Variants in ZC3H4 observed in about 807,000 individuals in gnomAD.
The protein encoded by ZC3H4 is zinc finger CCCH domain-containing protein 4.
In ZC3H4, 13 loss-of-function variants were observed where a neutral mutation model predicts 108.3. The ratio of observed to expected loss-of-function variants is 0.12; its 90% confidence interval spans 0.08 to 0.19. ZC3H4 has a LOEUF of 0.19. ZC3H4 is among the 10% of genes least tolerant of loss of function. The pLI, the probability that ZC3H4 is intolerant of heterozygous loss-of-function variation, is 1.00. For missense variants in ZC3H4, 1,734 were observed against 1,838.8 expected, an observed-to-expected ratio of 0.94 and a Z score of 1.04; for synonymous variants, 917 against 749.6, an observed-to-expected ratio of 1.22 and a Z score of -3.65.
At chr19:47,071,321 T>C (rs1337788427) in intron 13 of ZC3H4, among the ~76,000 whole-genome samples, 2 of 152,142 alleles carry the variant, frequency 1.3e-5, no homozygotes, top group African/African-American at 4.8e-5. Flanking sequence ...TCACTGGACA[T>C]TTGTTACCAA....
chr19:47,068,224 C>T (rs1166787824), intron 14 of ZC3H4, among the ~76,000 whole-genome samples: 1 of 152,220 alleles, frequency 6.6e-6, no homozygotes, highest in Non-Finnish European at 1.5e-5. Context: ...CAGGATCGGG[C>T]TAGGACTCCT....
At chr19:47,112,296 C>A in intron 2 of ZC3H4, 128 bp downstream of exon 2, 1 of 1,128,540 alleles carries the variant, frequency 8.9e-7, no homozygotes, top group Non-Finnish European at 1.1e-6. Flanking sequence ...CCCACCGACC[C>A]CGCCCTTCCT....
At chr19:47,109,860 C>T (rs1389822061) in intron 2 of ZC3H4, among the ~76,000 whole-genome samples, 1 of 152,118 alleles carries the variant, frequency 6.6e-6, no homozygotes, top group Non-Finnish European at 1.5e-5. Context: ...TGTCTTTTAA[C>T]GGAACTTATG....
intron 2 of ZC3H4, among the ~76,000 whole-genome samples, chr19:47,099,335 T>C (rs1389446215): frequency 6.6e-6 from 1 of 151,822 alleles, no homozygotes; most frequent in African/African-American, 2.4e-5. Flanking sequence ...AGAACACGCC[T>C]GTAAACCCAG....
chr19:47,085,284 C>A, intron 7 of ZC3H4, 34 bp downstream of exon 7: 1 of 1,572,632 alleles, frequency 6.4e-7, no homozygotes, highest in African/African-American at 1.4e-5. Flanking sequence ...AATCCCTGCC[C>A]CACCCAGCGT....
chr19:47,076,608 C>A (rs375534275), intron 11 of ZC3H4, among the ~76,000 whole-genome samples: 1 of 152,184 alleles, frequency 6.6e-6, no homozygotes, highest in Non-Finnish European at 1.5e-5. Flanking sequence ...GTAATCCCAG[C>A]ACTTTGGGAG....
rs1205584935 is a variant in ZC3H4, at chr19:47,067,123, T to C, written c.3145A>G (p.Ile1049Val). Residue 1049 changes from isoleucine to valine, a missense_variant, in exon 15 of 15, where the codon ATC becomes GTC. This residue lies in a region of ZC3H4 where 518 missense variants were observed against 499.6 expected (regional missense o/e 1.04). Coordinates refer to ENST00000253048, the MANE Select transcript of ZC3H4 (RefSeq NM_015168.2). The surrounding 1 kb of genome is among the most constrained non-coding windows in gnomAD (Gnocchi z 6.4). ...NLPDFELLSR[I>V]LKTVNATGSS... ...CCGGTGGCATTGACTGTCTTGAGGA[T>C]GCGAGACAGAAGTTCAAAGTCGGGG... 6.2e-7 allele frequency: 1 copy of C among 1,611,880 alleles called. No individual in the cohort carries two copies. Among genetic ancestry groups the C allele is most frequent in the South Asian group, 1.1e-5 (1 of 90,854 alleles).
chr19:47,081,226 A>G (rs1041496244), intron 11 of ZC3H4, among the ~76,000 whole-genome samples: 10 of 152,228 alleles, frequency 6.6e-5, no homozygotes, highest in African/African-American at 2.4e-4. Context: ...AATGACACCT[A>G]AGAGATCACG....
Position 47,085,062 on chromosome 19 carries a change from G to C in ZC3H4, c.1101C>G (p.Asp367Glu), listed in dbSNP as rs2057592250. 1.2e-6 allele frequency: 2 copies of C among 1,614,090 alleles called. No homozygotes were observed. Among genetic ancestry groups the C allele is most frequent in the South Asian group, 2.2e-5 (2 of 91,088 alleles). Residue 367 changes from aspartate to glutamate, a missense_variant, in exon 8 of 15, where the codon GAC (aspartate) becomes GAG (glutamate). Physicochemically the swap from Asp to Glu is conservative, Grantham distance 45. Transcript: ENST00000253048. ...CAGAGTGGAGTCAACTCACGCCCAT[G>C]TCCTCGTCATAGAAGTCTTCGTCAT... The part of the protein sequence containing the change: ...MNDDEDFYDE[D>E]MGDGGGGSYR...
At chr19:47,081,645 T>A in intron 10 of ZC3H4, 23 bp from the exon 11 acceptor site, 1 of 1,601,468 alleles carries the variant, frequency 6.2e-7, no homozygotes, top group African/African-American at 1.3e-5. Context: ...TTAAGGTAAA[T>A]GCTTCATCTC....
At chr19:47,104,661 G>T (rs985485300) in intron 2 of ZC3H4, among the ~76,000 whole-genome samples, 6 of 152,248 alleles carry the variant, frequency 3.9e-5, no homozygotes, top group Non-Finnish European at 8.8e-5. Flanking sequence ...AGTGATGGAT[G>T]CACAGACTGA....
Position 47,069,205 on chromosome 19 carries a change from A to G in ZC3H4, c.2285T>C (p.Leu762Pro). 6.2e-7 allele frequency: 1 copy of G among 1,612,356 alleles called. No individual in the cohort carries two copies. The highest frequency in any genetic ancestry group is 8.5e-7 in the Non-Finnish European group (1 of 1,179,962). ...PKPGAGVPDFLPSAQRALYLR... is the reference protein window; with the variant it reads ...PKPGAGVPDFPPSAQRALYLR... ...GTACAGGGCCCTCTGGGCTGAGGGC[A>G]GGAAGTCAGGGACACCGGCGCCTGG... The change falls in exon 14 of 15, where the codon CTG (leucine) becomes CCG (proline). Residue 762 changes from leucine (L) to proline (P), a missense_variant. Coordinates refer to ENST00000253048, the MANE Select transcript of ZC3H4 (RefSeq NM_015168.2).
rs748588170 is a variant in ZC3H4, at chr19:47,081,550, T to C, written c.1403A>G (p.Asp468Gly). The C allele has an allele frequency of 5.6e-6, 9 of 1,614,190 alleles. No homozygotes were observed. Among genetic ancestry groups the C allele is most frequent in the Non-Finnish European group, 7.6e-6 (9 of 1,180,032 alleles). ...INGDDCMFSHDPLTEETRELL... is the reference protein window; with the variant it reads ...INGDDCMFSHGPLTEETRELL... The stretch of plus-strand genomic sequence containing the variant: ...CTCCCTCGTCTCTTCGGTCAGAGGG[T>C]CGTGGGAAAACATGCAGTCGTCACC... Residue 468 changes from aspartate to glycine, a missense_variant, in exon 11 of 15, where the codon GAC (aspartate) becomes GGC (glycine). Transcript: ENST00000253048.
intron 11 of ZC3H4, among the ~76,000 whole-genome samples, chr19:47,074,753 C>T (rs1425228248): frequency 6.6e-6 from 1 of 152,204 alleles, no homozygotes; most frequent in Non-Finnish European, 1.5e-5. Context: ...AGCAAGTCTC[C>T]TCGCAGACAG....
Position 47,083,089 on chromosome 19 carries a change from G to A in ZC3H4, c.1219-794C>T, listed in dbSNP as rs2057552647. 2.6e-5 allele frequency among the ~76,000 whole-genome samples: 4 copies of A among 151,522 alleles called. No homozygotes were observed. In the South Asian group the frequency reaches 8.4e-4, roughly 32 times the overall value. On this transcript the variant is annotated intron_variant, in intron 9 of 14. Transcript: ENST00000253048. ...AGACAGAGTCTGGCTCTGTCGCCCA[G>A]GCTGGAGTGCAATGGCACGATCTTG...
At chr19:47,070,307 C>T (rs1036762040) in intron 13 of ZC3H4, among the ~76,000 whole-genome samples, 2 of 152,282 alleles carry the variant, frequency 1.3e-5, no homozygotes, top group Non-Finnish European at 2.9e-5. Flanking sequence ...ATTTCAACTT[C>T]GTCAAGTGAA....
In ZC3H4 at chr19:47,081,069, T is replaced by A. The variant is rs150326448; in HGVS notation, c.1440+444A>T. Among the ~76,000 whole-genome samples the A allele has an allele frequency of 6.1e-3, 934 of 152,200 alleles. 7 individuals are homozygous for A. The highest frequency in any genetic ancestry group is 0.038 in the East Asian group (199 of 5,178). ...TGCACCCAGCCCAGCCAATTTTTTT[T>A]AATTTATTTTTAGTAGAAACAACGT... On this transcript the variant is annotated intron_variant, in intron 11 of 14. Transcript: ENST00000253048.
chr19:47,072,013 GTGCATGTCGGGGTGCATGTCAGGA>G lies in ZC3H4; in HGVS notation c.1887_1910del (p.Pro638_His645del), dbSNP rs1275043474. ...CGTGCATGTCAGGGTGCATGTCCGG[GTGCATGTCGGGGTGCATGTCAGGA>G]TGCATTGGACCGCCCATTGGCCCTG... On this transcript the variant is annotated inframe_deletion, in exon 13 of 15. Coordinates refer to ENST00000253048, the MANE Select transcript of ZC3H4 (RefSeq NM_015168.2). The surrounding 1 kb of genome is among the most constrained non-coding windows in gnomAD (Gnocchi z 5.6). The G allele has an allele frequency of 3.8e-6, 6 of 1,592,374 alleles. No homozygotes were observed. In the Admixed American group the frequency reaches 1.1e-4, roughly 29 times the overall value.
intron 11 of ZC3H4, among the ~76,000 whole-genome samples, chr19:47,076,609 A>T (rs1212984051): frequency 3.3e-5 from 5 of 152,112 alleles, no homozygotes; most frequent in Admixed American, 3.3e-4. Context: ...TAATCCCAGC[A>T]CTTTGGGAGG....
Sources: gnomAD v4.1 joint callset for allele counts (sites outside exome capture counted in the v4.1 genomes callset) on GRCh38, gnomAD v4.1.1 for gene constraint, gnomAD v4.1.1 regional missense constraint, Gnocchi (gnomAD v3.1) non-coding constraint, MANE v1.5 for transcripts, NCBI Gene and HGNC (gene_info 2026-07-23, HGNC 2026-07-21) for gene names.